Variants in TSPAN9 observed in about 807,000 individuals in gnomAD.
TSPAN9 encodes tetraspanin 9.
TSPAN9 carries 16 observed loss-of-function variants against 31.0 expected under a neutral mutation model. The ratio of observed to expected loss-of-function variants is 0.52; its 90% CI spans 0.35 to 0.78. The LOEUF (loss-of-function observed/expected upper bound fraction) is 0.78, where lower values mean the gene tolerates loss of function less well. Among genes scored for constraint, TSPAN9 ranks in the 30% least tolerant of loss-of-function variants. The probability of loss-of-function intolerance (pLI) is 0.01; values close to 1 mark genes in which losing one functional copy is unlikely to be tolerated. For missense variants in TSPAN9, 272 were observed against 312.5 expected, an observed-to-expected ratio of 0.87 and a Z score of 0.98; for synonymous variants, 145 against 121.6, an observed-to-expected ratio of 1.19 and a Z score of -1.27.
Position 3,077,387 on chromosome 12 carries a change from T to TGGC in TSPAN9, c.-133_-131dup, listed in dbSNP as rs376243638. 4.5e-4 allele frequency: 67 copies of TGGC among 149,624 alleles called. No homozygotes were observed. Among genetic ancestry groups the TGGC allele is most frequent in the East Asian group, 1.0e-3 (5 of 4,888 alleles). The allele number at this position is 149,624 out of a possible 1,614,324, so 9.3% of individuals were successfully genotyped here. A position where few individuals can be genotyped will look rare whatever the true frequency, so the allele number is the denominator to read the frequency against. On this transcript the variant is annotated 5_prime_UTR_variant, in exon 1 of 9. Transcript: ENST00000011898. ...GGCAGGCCCCGCCCCCTGTTTCCGCTGGCGGCGGCGGCGGCGGCGGTGCCG... is the reference window on the plus strand; with the variant it reads ...GGCAGGCCCCGCCCCCTGTTTCCGCTGGCGGCGGCGGCGGCGGCGGCGGTGCCG...
chr12:3,217,591 C>T (rs375767158), intron 3 of TSPAN9, among the ~76,000 whole-genome samples: 2 of 152,162 alleles, frequency 1.3e-5, no homozygotes, highest in African/African-American at 2.4e-5. Context: ...CATATTACTC[C>T]CTTTCACTTT....
chr12:3,112,142 GCCT>G (rs936811264), intron 2 of TSPAN9, among the ~76,000 whole-genome samples: 1 of 149,158 alleles, frequency 6.7e-6, no homozygotes, highest in Non-Finnish European at 1.5e-5. Flanking sequence ...TCTCTAATGA[GCCT>G]CTGAATTTCT....
chr12:3,224,112 C>T (rs1173554871), intron 3 of TSPAN9, among the ~76,000 whole-genome samples: 1 of 152,140 alleles, frequency 6.6e-6, no homozygotes, highest in African/African-American at 2.4e-5. Flanking sequence ...AATTGATAAG[C>T]AGGAAGTTCC....
intron 2 of TSPAN9, among the ~76,000 whole-genome samples, chr12:3,191,752 T>C (rs927121283): frequency 2.0e-5 from 3 of 152,164 alleles, no homozygotes; most frequent in Admixed American, 6.5e-5. Flanking sequence ...GAGGGAGACA[T>C]AGGCAGTCTC....
chr12:3,159,072 A>G (rs4766053), intron 2 of TSPAN9, among the ~76,000 whole-genome samples: 139,709 of 151,902 alleles, frequency 0.92, 65,358 homozygotes, highest in East Asian at 1. Context: ...CAGGGAGCCT[A>G]TTTACACTTT....
chr12:3,184,127 C>T (rs1056313996), intron 2 of TSPAN9, among the ~76,000 whole-genome samples: 1 of 152,142 alleles, frequency 6.6e-6, no homozygotes, highest in Non-Finnish European at 1.5e-5. Context: ...GCACGGTGCA[C>T]ACCTGTAATC....
chr12:3,272,731 G>T (rs1033038257), intron 3 of TSPAN9, among the ~76,000 whole-genome samples: 2 of 152,206 alleles, frequency 1.3e-5, no homozygotes, highest in Non-Finnish European at 2.9e-5. Context: ...CTGCCCCTAG[G>T]ATCTAAGCAG....
chr12:3,259,946 T>G (rs1186818902), intron 3 of TSPAN9, among the ~76,000 whole-genome samples: 1 of 152,150 alleles, frequency 6.6e-6, no homozygotes, highest in African/African-American at 2.4e-5. Context: ...GAGAGATGGA[T>G]GGACTGGAGA....
chr12:3,142,538 T>TA (rs139494708), intron 2 of TSPAN9, among the ~76,000 whole-genome samples: 1 of 152,184 alleles, frequency 6.6e-6, no homozygotes, highest in Non-Finnish European at 1.5e-5. Context: ...CTGCCTGTGG[T>TA]AAAAAATCTA....
chr12:3,269,751 C>T (rs1471630159), intron 3 of TSPAN9, among the ~76,000 whole-genome samples: 1 of 152,238 alleles, frequency 6.6e-6, no homozygotes, highest in Admixed American at 6.5e-5. Flanking sequence ...CTTGGGATTG[C>T]TGAGTCACAA....
intron 3 of TSPAN9, among the ~76,000 whole-genome samples, chr12:3,269,263 C>A (rs1862618929): frequency 2.5e-5 from 1 of 39,616 alleles, no homozygotes; most frequent in Admixed American, 2.4e-4. Context: ...TTCCTGCAGC[C>A]TGCCCTGTGT....
At chr12:3,132,673 G>A (rs374682954) in intron 2 of TSPAN9, among the ~76,000 whole-genome samples, 114 of 152,316 alleles carry the variant, frequency 7.5e-4, no homozygotes, top group African/African-American at 2.7e-3. Flanking sequence ...CTCCAGCTAG[G>A]TTGGGCGAAG....
intron 2 of TSPAN9, among the ~76,000 whole-genome samples, chr12:3,135,606 C>T (rs994846847): frequency 6.6e-6 from 1 of 152,148 alleles, no homozygotes; most frequent in Non-Finnish European, 1.5e-5. Flanking sequence ...GCTTGGTGGC[C>T]TTCTGGCTTG....
chr12:3,088,332 G>A (rs2098301767), intron 2 of TSPAN9, among the ~76,000 whole-genome samples: 1 of 152,234 alleles, frequency 6.6e-6, no homozygotes, highest in Non-Finnish European at 1.5e-5. Flanking sequence ...CATTTTGAGT[G>A]CTGTCTGCAG....
intron 1 of TSPAN9, among the ~76,000 whole-genome samples, chr12:3,077,717 C>T (rs1255382707): frequency 6.6e-6 from 1 of 152,130 alleles, no homozygotes; most frequent in Non-Finnish European, 1.5e-5. Flanking sequence ...TGGGGTCCTC[C>T]AGGGGATGGC....
intron 2 of TSPAN9, among the ~76,000 whole-genome samples, chr12:3,149,329 G>T (rs944141658): frequency 6.6e-6 from 1 of 152,172 alleles, no homozygotes; most frequent in Admixed American, 6.5e-5. Flanking sequence ...TCCAAGTGTG[G>T]CAGGAAGGAG....
At chr12:3,134,652 C>T (rs928734714) in intron 2 of TSPAN9, among the ~76,000 whole-genome samples, 4 of 152,152 alleles carry the variant, frequency 2.6e-5, no homozygotes, top group African/African-American at 4.8e-5. Flanking sequence ...AGTGGCATGG[C>T]CGATGGCTGT....
At chr12:3,083,527 C>T (rs1461932921) in intron 1 of TSPAN9, 126 bp from the exon 2 acceptor site, 2 of 152,296 alleles carry the variant, frequency 1.3e-5, no homozygotes, top group Non-Finnish European at 2.9e-5. Flanking sequence ...CTGGCTTTCT[C>T]CATTTGTTGA....
chr12:3,083,123 A>G (rs900331230), intron 1 of TSPAN9, among the ~76,000 whole-genome samples: 3 of 152,130 alleles, frequency 2.0e-5, no homozygotes, highest in Admixed American at 1.3e-4. Context: ...CTTGATGGCC[A>G]TTTTCCACCA....
Sources: allele counts gnomAD v4.1 joint callset (sites outside exome capture counted in the v4.1 genomes callset), GRCh38; gene constraint gnomAD v4.1.1; transcripts MANE v1.5; gene names NCBI Gene and HGNC (gene_info 2026-07-23, HGNC 2026-07-21).